The following MAML2 variants were observed in gnomAD, a reference collection of about 807,000 sequenced individuals.
MAML2 encodes mastermind like transcriptional coactivator 2.
MAML2 carries 22 observed loss-of-function variants against 96.1 expected under a neutral mutation model. The observed-to-expected ratio is 0.23, with a 90% CI of 0.16 to 0.33. The LOEUF (loss-of-function observed/expected upper bound fraction) is 0.33, where lower values mean the gene tolerates loss of function less well. Ranked by LOEUF, MAML2 falls within the 10% of genes least tolerant of loss-of-function variation. The pLI, the probability that MAML2 is intolerant of heterozygous loss-of-function variation, is 1.00. For missense variants in MAML2, 1,367 were observed against 1,392.4 expected, an observed-to-expected ratio of 0.98 and a Z score of 0.29; for synonymous variants, 561 against 521.3, an observed-to-expected ratio of 1.08 and a Z score of -1.04.
Position 96,092,666 on chromosome 11 carries a change from C to T in MAML2, c.1365G>A (p.Gln455=). Residue 455 remains glutamine, a synonymous_variant, in exon 2 of 5, where the codon CAG becomes CAA. Coordinates refer to ENST00000524717, the MANE Select transcript of MAML2 (RefSeq NM_032427.4). The surrounding 1 kb of genome is among the most constrained non-coding windows in gnomAD (Gnocchi z 4.1). ...QHARMQQHQQ[Q]HQPTNWSALP... ...AGGCTGACCAGTTGGTAGGCTGGTG[C>T]TGCTGCTGGTGCTGCTGCATCCGGG... 1 of 1,612,320 alleles carries T rather than the reference C, an allele frequency of 6.2e-7. No individual in the cohort carries two copies. Among genetic ancestry groups the T allele is most frequent in the Admixed American group, 1.7e-5 (1 of 59,960 alleles).
rs1857700402 is a variant in MAML2 at position 95,979,513 on chromosome 11, T to C, written c.2906A>G (p.Gln969Arg). ...TTCTTGCTGTTTGCTTGTTCCTTCT[T>C]GAGAGGCCCAGTTTGGTGCAGTTGT... ...SNTTAPNWASQEGTSKQQEAL... is the reference protein window; with the variant it reads ...SNTTAPNWASREGTSKQQEAL... Residue 969 changes from glutamine to arginine, a missense_variant, in exon 5 of 5, where the codon CAA becomes CGA. Coordinates refer to ENST00000524717, the MANE Select transcript of MAML2 (RefSeq NM_032427.4). 6.2e-7 allele frequency: 1 copy of C among 1,613,702 alleles called. No homozygotes were observed. The highest frequency in any genetic ancestry group is 8.5e-7 in the Non-Finnish European group (1 of 1,179,770).
chr11:96,332,771 C>T (rs1194943231), intron 1 of MAML2, among the ~76,000 whole-genome samples: 2 of 152,220 alleles, frequency 1.3e-5, no homozygotes, highest in Non-Finnish European at 2.9e-5. Flanking sequence ...AAAAAATCCT[C>T]ATTTCTCAGC....
At chr11:96,009,008 G>A (rs1406048373) in intron 2 of MAML2, among the ~76,000 whole-genome samples, 1 of 152,234 alleles carries the variant, frequency 6.6e-6, no homozygotes, top group Admixed American at 6.5e-5. Context: ...TATTGGGTAA[G>A]CAATAGTACT....
At chr11:96,025,413 G>A (rs569853844) in intron 2 of MAML2, among the ~76,000 whole-genome samples, 57 of 152,112 alleles carry the variant, frequency 3.7e-4, no homozygotes, top group Admixed American at 1.5e-3. Flanking sequence ...GGGGGGAGGT[G>A]GACAAGCACT....
chr11:96,039,815 G>A (rs1191318383), intron 2 of MAML2, among the ~76,000 whole-genome samples: 12 of 151,906 alleles, frequency 7.9e-5, no homozygotes, highest in South Asian at 2.1e-4. Context: ...AAAATTAGCC[G>A]GGCGTAGTGG....
At chr11:96,021,853 C>T (rs1858441275) in intron 2 of MAML2, among the ~76,000 whole-genome samples, 1 of 152,192 alleles carries the variant, frequency 6.6e-6, no homozygotes, top group Non-Finnish European at 1.5e-5. Context: ...TGAGGGATGC[C>T]ATGTCCTGCC....
rs1403032833 is a variant in MAML2 at position 95,977,935 on chromosome 11, A to G, written c.*1013T>C. The G allele has an allele frequency of 3.1e-5, 7 of 223,222 alleles. No individual in the cohort carries two copies. The highest frequency in any genetic ancestry group is 1.1e-4 in the Admixed American group (2 of 17,436). The allele number at this position is 223,222 out of a possible 1,614,324, so 13.8% of individuals were successfully genotyped here. A position where few individuals can be genotyped will look rare whatever the true frequency, so the allele number is the denominator to read the frequency against. On this transcript the variant is annotated 3_prime_UTR_variant, in exon 5 of 5. Coordinates refer to ENST00000524717, the MANE Select transcript of MAML2 (RefSeq NM_032427.4). The stretch of plus-strand genomic sequence containing the variant: ...TTGCCATCCCTGGTTCTTATCTCCA[A>G]CCAAAACATGATATTTTCTAATCTC...
At chr11:96,065,166 T>C (rs1590990122) in intron 2 of MAML2, among the ~76,000 whole-genome samples, 1 of 152,202 alleles carries the variant, frequency 6.6e-6, no homozygotes, top group South Asian at 2.1e-4. Context: ...GATTTTAAAA[T>C]GCTTAATTAC....
intron 2 of MAML2, among the ~76,000 whole-genome samples, chr11:96,023,458 G>A (rs1858468262): frequency 6.6e-6 from 1 of 152,152 alleles, no homozygotes; most frequent in Non-Finnish European, 1.5e-5. Flanking sequence ...TTTACAGACT[G>A]CCCGGTAGCC....
At chr11:96,281,306 T>C (rs923278491) in intron 1 of MAML2, among the ~76,000 whole-genome samples, 6 of 152,130 alleles carry the variant, frequency 3.9e-5, no homozygotes, top group Middle Eastern at 3.2e-3. Flanking sequence ...TGGGGTCTGG[T>C]GGCAGGTGAT....
At chr11:95,985,487 TCCTTTCACAGCTATAA>T in intron 4 of MAML2, 28 bp downstream of exon 4, 1 of 1,199,590 alleles carries the variant, frequency 8.3e-7, no homozygotes, top group Non-Finnish European at 1.2e-6. Flanking sequence ...AGTTTTTTTT[TCCTTTCACAGCTATAA>T]TTTTTATTAA....
At chr11:96,121,923 A>ACTACAGGCACCCG (rs2135846109) in intron 1 of MAML2, among the ~76,000 whole-genome samples, 1 of 132,354 alleles carries the variant, frequency 7.6e-6, no homozygotes, top group African/African-American at 2.9e-5. Context: ...AGCAGCTGGG[A>ACTACAGGCACCCG]CTACAGGCAC....
At chr11:96,108,188 T>C (rs1860056521) in intron 1 of MAML2, among the ~76,000 whole-genome samples, 1 of 152,196 alleles carries the variant, frequency 6.6e-6, no homozygotes, top group Non-Finnish European at 1.5e-5. Flanking sequence ...AGTTAATTTA[T>C]GAAACACCCA....
Position 96,183,396 on chromosome 11 carries a change from C to G in MAML2, c.514-89879G>C, listed in dbSNP as rs1222549226. ...CCTCCTTCCCTTCCTCCGTTCCTCCCCCCCCCCCCTTTCTTTTGAGACAAG... is the reference window on the plus strand; with the variant it reads ...CCTCCTTCCCTTCCTCCGTTCCTCCGCCCCCCCCCTTTCTTTTGAGACAAG... On this transcript the variant is annotated intron_variant, in intron 1 of 4. Transcript: ENST00000524717. Among the ~76,000 whole-genome samples the G allele has an allele frequency of 7.1e-4, 55 of 77,742 alleles. 2 individuals carry two copies. The highest frequency in any genetic ancestry group is 2.7e-4 in the Non-Finnish European group (11 of 40,028). 51.0% of individuals were successfully genotyped at this position (77,742 alleles called of 152,430 possible). A position where few individuals can be genotyped will look rare whatever the true frequency, so the allele number is the denominator to read the frequency against.
chr11:96,335,956 G>C lies in MAML2; in HGVS notation c.513+5427C>G, dbSNP rs1387464046. Among the ~76,000 whole-genome samples, 5 of 152,084 alleles carry C rather than the reference G, an allele frequency of 3.3e-5. No homozygotes were observed. The East Asian group carries it at 9.6e-4, about 29-fold the overall frequency. On this transcript the variant is annotated intron_variant, in intron 1 of 4. Transcript: ENST00000524717. The stretch of plus-strand genomic sequence containing the variant: ...TGCTGGTGACCCATGTTCTCATATA[G>C]CTATCCCTGGCCTATATTTGAATCT...
rs76360673 is a variant in MAML2 at position 96,261,059 on chromosome 11, C to T, written c.513+80324G>A. On this transcript the variant is annotated intron_variant, in intron 1 of 4. Coordinates refer to ENST00000524717, the MANE Select transcript of MAML2 (RefSeq NM_032427.4). ...TATGGTTTGAATGACCCCTCCAAAA[C>T]GCATGTTGGAACTTAATCTCCAATC... Among the ~76,000 whole-genome samples, 31 of 152,210 alleles carry T rather than the reference C, an allele frequency of 2.0e-4. No individual in the cohort carries two copies. The East Asian group carries it at 2.7e-3, about 13-fold the overall frequency.
At chr11:96,005,942 A>T (rs1858172299) in intron 2 of MAML2, among the ~76,000 whole-genome samples, 1 of 152,164 alleles carries the variant, frequency 6.6e-6, no homozygotes, top group African/African-American at 2.4e-5. Context: ...GAAATGAGAG[A>T]ATGTCTCGGT....
intron 1 of MAML2, among the ~76,000 whole-genome samples, chr11:96,303,325 C>T (rs1405540560): frequency 6.6e-6 from 1 of 152,154 alleles, no homozygotes. Flanking sequence ...ATAAAAATTG[C>T]TCCAATGTTA....
At chr11:96,267,526 A>C (rs1158990347) in intron 1 of MAML2, among the ~76,000 whole-genome samples, 1 of 152,232 alleles carries the variant, frequency 6.6e-6, no homozygotes, top group Non-Finnish European at 1.5e-5. Flanking sequence ...TTAATTAAAC[A>C]AGTGAAATGT....
Sources: allele counts gnomAD v4.1 joint callset (sites outside exome capture counted in the v4.1 genomes callset), GRCh38; gene constraint gnomAD v4.1.1; non-coding constraint Gnocchi (gnomAD v3.1); transcripts MANE v1.5; gene names NCBI Gene and HGNC (gene_info 2026-07-23, HGNC 2026-07-21).